The following FHIT variants were observed in gnomAD, a reference collection of about 807,000 sequenced individuals.
FHIT encodes fragile histidine triad diadenosine triphosphatase, also known as bis(5'-adenosyl)-triphosphatase.
A neutral mutation model predicts 17.9 loss-of-function variants in FHIT; 19 were observed. The observed-to-expected ratio is 1.06, with a 90% confidence interval of 0.74 to 1.56. FHIT has a LOEUF of 1.56. Among genes scored for constraint, FHIT ranks in the 40% most tolerant of loss-of-function variants. FHIT has a pLI of 0.00. For synonymous variants in FHIT, 81 were observed against 69.7 expected (o/e 1.16, Z -0.81); for missense variants, 248 against 189.2 (o/e 1.31, Z -1.82).
At chr3:60,146,844 A>T (rs1700263586) in intron 5 of FHIT, among the ~76,000 whole-genome samples, 1 of 152,236 alleles carries the variant, frequency 6.6e-6, no homozygotes, top group Non-Finnish European at 1.5e-5. Flanking sequence ...AATCCGGAAC[A>T]AAAGCTTAAG....
chr3:60,288,775 A>G (rs1707848341), intron 5 of FHIT, among the ~76,000 whole-genome samples: 1 of 152,210 alleles, frequency 6.6e-6, no homozygotes, highest in Admixed American at 6.5e-5. Context: ...TATATGTAAT[A>G]CACTAATATT....
At chr3:60,295,724 A>G (rs1708176093) in intron 5 of FHIT, among the ~76,000 whole-genome samples, 1 of 152,136 alleles carries the variant, frequency 6.6e-6, no homozygotes, top group Non-Finnish European at 1.5e-5. Context: ...AAACTACTAA[A>G]CTGTCTATCA....
At chr3:60,923,759 G>T (rs879970031) in intron 3 of FHIT, among the ~76,000 whole-genome samples, 3 of 152,140 alleles carry the variant, frequency 2.0e-5, no homozygotes, top group Admixed American at 6.5e-5. Flanking sequence ...GCAGGGCAAG[G>T]CATCATCTCA....
intron 5 of FHIT, among the ~76,000 whole-genome samples, chr3:60,030,170 T>C (rs189528207): frequency 3.9e-4 from 59 of 152,266 alleles, no homozygotes; most frequent in Non-Finnish European, 1.3e-4. Flanking sequence ...TGTTCTCTTG[T>C]ACATCACAAT....
At chr3:59,868,047 T>TTTAAA (rs397964099) in intron 8 of FHIT, among the ~76,000 whole-genome samples, 424 of 111,332 alleles carry the variant, frequency 3.8e-3, no homozygotes, top group Non-Finnish European at 6.4e-3. Context: ...TTTTTTTTTT[T>TTTAAA]AAAAAAAAAA....
chr3:61,205,915 T>C (rs1451939462), intron 1 of FHIT, among the ~76,000 whole-genome samples: 1 of 148,320 alleles, frequency 6.7e-6, no homozygotes, highest in East Asian at 2.0e-4. Flanking sequence ...CTGAATGGTA[T>C]TGCCTAGGTT....
chr3:60,182,363 G>C (rs1012650451), intron 5 of FHIT, among the ~76,000 whole-genome samples: 3 of 152,186 alleles, frequency 2.0e-5, no homozygotes, highest in Non-Finnish European at 4.4e-5. Context: ...GATTTGGTGA[G>C]AGCACTGCCT....
intron 7 of FHIT, among the ~76,000 whole-genome samples, chr3:59,963,215 C>T (rs1017521731): frequency 1.5e-4 from 22 of 151,516 alleles, no homozygotes; most frequent in African/African-American, 4.8e-4. Context: ...CGCAATGAGC[C>T]GAGATCACAC....
intron 3 of FHIT, among the ~76,000 whole-genome samples, chr3:60,998,516 T>G (rs546120581): frequency 7.2e-5 from 11 of 152,286 alleles, no homozygotes; most frequent in South Asian, 4.1e-4. Flanking sequence ...AAGTCTACTT[T>G]TATTAATCCC....
intron 5 of FHIT, among the ~76,000 whole-genome samples, chr3:60,278,372 C>G (rs1017619178): frequency 6.6e-6 from 1 of 152,170 alleles, no homozygotes; most frequent in Non-Finnish European, 1.5e-5. Flanking sequence ...AATTAGTCCC[C>G]TCCAGACTCT....
In FHIT at chr3:60,819,033, CTTTTCTTTTT is replaced by C. The variant is rs1701835795; in HGVS notation, c.-18+2876_-18+2885del. Among the ~76,000 whole-genome samples, 5 of 104,330 alleles carry C rather than the reference CTTTTCTTTTT, an allele frequency of 4.8e-5. No individual in the cohort carries two copies. The South Asian group carries it at 1.1e-3, about 24-fold the overall frequency. The allele number at this position is 104,330 out of a possible 152,430, so 68.4% of individuals were successfully genotyped here. A position where few individuals can be genotyped will look rare whatever the true frequency, so the allele number is the denominator to read the frequency against. On this transcript the variant is annotated intron_variant, in intron 4 of 9. Coordinates refer to ENST00000492590, the MANE Select transcript of FHIT (RefSeq NM_002012.4). ...TAATTTCTTTTTTCTTTTCTTTTTT[CTTTTCTTTTT>C]TTTTTTTTTGTTTTTGGTCTTTTGG...
chr3:60,750,262 C>G (rs782271530), intron 4 of FHIT, among the ~76,000 whole-genome samples: 22 of 152,072 alleles, frequency 1.4e-4, no homozygotes, highest in Non-Finnish European at 2.9e-4. Flanking sequence ...GAAATAGTTG[C>G]AGTATAAGGT....
At chr3:60,175,942 G>C (rs1036711308) in intron 5 of FHIT, among the ~76,000 whole-genome samples, 1 of 152,182 alleles carries the variant, frequency 6.6e-6, no homozygotes, top group Non-Finnish European at 1.5e-5. Context: ...GATCTGTTCT[G>C]TCCAATATGG....
chr3:60,099,913 T>C (rs981581833), intron 5 of FHIT, among the ~76,000 whole-genome samples: 1 of 152,196 alleles, frequency 6.6e-6, no homozygotes, highest in Non-Finnish European at 1.5e-5. Flanking sequence ...GTATTTTTCG[T>C]GAATGAACAT....
chr3:59,903,444 T>C lies in FHIT; in HGVS notation c.348+18902A>G, dbSNP rs545801519. 5.3e-5 allele frequency among the ~76,000 whole-genome samples: 8 copies of C among 152,324 alleles called. No individual in the cohort carries two copies. In the South Asian group the frequency reaches 1.2e-3, roughly 24 times the overall value. The stretch of plus-strand genomic sequence containing the variant: ...TGAACTGTATGGTATTTTAATTGTA[T>C]CTAAATAAAGCTGTTACTATATGGA... On this transcript the variant is annotated intron_variant, in intron 8 of 9. Coordinates refer to ENST00000492590, the MANE Select transcript of FHIT (RefSeq NM_002012.4).
At chr3:60,829,926 C>T (rs2106810293) in intron 3 of FHIT, among the ~76,000 whole-genome samples, 1 of 147,802 alleles carries the variant, frequency 6.8e-6, no homozygotes, top group Admixed American at 6.8e-5. Context: ...AATTTCTACT[C>T]ATAAGGGTGT....
At chr3:60,070,894 G>A (rs566157618) in intron 5 of FHIT, among the ~76,000 whole-genome samples, 2 of 152,328 alleles carry the variant, frequency 1.3e-5, no homozygotes, top group Non-Finnish European at 2.9e-5. Flanking sequence ...CTTGAGTGCT[G>A]GCGCCTAGGC....
At chr3:60,891,418 A>C (rs1324724004) in intron 3 of FHIT, among the ~76,000 whole-genome samples, 1 of 152,166 alleles carries the variant, frequency 6.6e-6, no homozygotes, top group Non-Finnish European at 1.5e-5. Flanking sequence ...TTGAACTCTC[A>C]CCAATACTAT....
At chr3:60,374,524 G>C (rs1394446091) in intron 5 of FHIT, among the ~76,000 whole-genome samples, 2 of 150,818 alleles carry the variant, frequency 1.3e-5, no homozygotes, top group Admixed American at 1.3e-4. Context: ...GAGACTAAAG[G>C]CATGACTAGT....
Sources: allele counts gnomAD v4.1 joint callset (sites outside exome capture counted in the v4.1 genomes callset), GRCh38; gene constraint gnomAD v4.1.1; transcripts MANE v1.5; gene names NCBI Gene and HGNC (gene_info 2026-07-23, HGNC 2026-07-21).